Variants in KIAA1217 observed in about 807,000 individuals in gnomAD.
KIAA1217 encodes the protein sickle tail protein homolog.
Under a neutral mutation model 163.9 loss-of-function variants are expected in KIAA1217, and 88 were observed. That is an observed-to-expected ratio of 0.54 (90% confidence interval 0.45 to 0.64). The LOEUF (loss-of-function observed/expected upper bound fraction) is 0.64. Among genes scored for constraint, KIAA1217 ranks in the 30% least tolerant of loss-of-function variants. The pLI is 0.00. For synonymous variants in KIAA1217, 903 were observed against 923.1 expected (o/e 0.98, Z 0.39); for missense variants, 2,372 against 2,475.0 (o/e 0.96, Z 0.88).
intron 2 of KIAA1217, among the ~76,000 whole-genome samples, chr10:24,228,904 A>T (rs961054206): frequency 2.6e-5 from 4 of 152,264 alleles, no homozygotes; most frequent in Non-Finnish European, 4.4e-5. Context: ...ATCTGTAAGT[A>T]ATGGCATCTA....
chr10:24,171,317 C>T (rs925454130), intron 2 of KIAA1217, among the ~76,000 whole-genome samples: 1 of 152,110 alleles, frequency 6.6e-6, no homozygotes, highest in Admixed American at 6.6e-5. Flanking sequence ...GAAAAACTCT[C>T]ATAAATAGGG....
intron 2 of KIAA1217, among the ~76,000 whole-genome samples, chr10:24,121,182 A>T (rs1173728479): frequency 6.6e-6 from 1 of 152,194 alleles, no homozygotes; most frequent in Non-Finnish European, 1.5e-5. Context: ...TCATTCATGG[A>T]TAGTATTTCT....
At chr10:24,197,822 A>G (rs1430249931) in intron 2 of KIAA1217, among the ~76,000 whole-genome samples, 5 of 152,168 alleles carry the variant, frequency 3.3e-5, no homozygotes, top group South Asian at 2.1e-4. Flanking sequence ...TTAGTCTGCT[A>G]TTGTCTTGTT....
chr10:23,954,665 G>GA (rs1039815104), intron 1 of KIAA1217, among the ~76,000 whole-genome samples: 2 of 150,922 alleles, frequency 1.3e-5, no homozygotes, highest in African/African-American at 4.9e-5. Context: ...AAAGAAGGAA[G>GA]AAAAAAAAGG....
intron 5 of KIAA1217, among the ~76,000 whole-genome samples, chr10:24,439,799 G>C (rs971007721): frequency 6.6e-6 from 1 of 151,930 alleles, no homozygotes; most frequent in Admixed American, 6.6e-5. Context: ...CACTTTTAAG[G>C]ACACTTTAAG....
At chr10:24,120,418 TG>T (rs1228910398) in intron 2 of KIAA1217, among the ~76,000 whole-genome samples, 1 of 152,104 alleles carries the variant, frequency 6.6e-6, no homozygotes, top group Non-Finnish European at 1.5e-5. Context: ...TACAGAACAG[TG>T]GTTGCTTTCA....
chr10:23,729,956 C>T lies in KIAA1217; in HGVS notation c.-321+34722C>T, dbSNP rs148648995. Among the ~76,000 whole-genome samples, 494 of 151,706 alleles carry T rather than the reference C, an allele frequency of 3.3e-3. 4 individuals carry two copies. The highest frequency in any genetic ancestry group is 0.011 in the African/African-American group (454 of 41,356). On this transcript the variant is annotated intron_variant, in intron 1 of 18. Transcript: ENST00000376462. Reference sequence around the variant, plus strand: ...TCACTCTGTCACCCAGGCTGGAGTGCAGTGGCACGATCTCTGTTCACTGCA... The same window carrying T: ...TCACTCTGTCACCCAGGCTGGAGTGTAGTGGCACGATCTCTGTTCACTGCA...
chr10:23,995,526 G>T (rs947943089), intron 1 of KIAA1217, among the ~76,000 whole-genome samples: 1 of 151,218 alleles, frequency 6.6e-6, no homozygotes, highest in African/African-American at 2.4e-5. Flanking sequence ...AGGGCAAATG[G>T]CTTCCTCATT....
At chr10:23,998,559 G>T (rs1303974897) in intron 1 of KIAA1217, among the ~76,000 whole-genome samples, 3 of 152,252 alleles carry the variant, frequency 2.0e-5, no homozygotes, top group Non-Finnish European at 4.4e-5. Flanking sequence ...AGGACACTGT[G>T]TACTTCGATA....
chr10:24,455,598 C>T (rs1362358447), intron 5 of KIAA1217, among the ~76,000 whole-genome samples: 3 of 152,164 alleles, frequency 2.0e-5, no homozygotes, highest in East Asian at 1.9e-4. Flanking sequence ...CTAATTAGTT[C>T]GGCTTCCTCT....
intron 2 of KIAA1217, among the ~76,000 whole-genome samples, chr10:24,166,553 C>T: frequency 6.6e-6 from 1 of 152,010 alleles, no homozygotes; most frequent in South Asian, 2.1e-4. Flanking sequence ...GCCTGACCAA[C>T]AAAGTGAAAC....
intron 1 of KIAA1217, among the ~76,000 whole-genome samples, chr10:23,756,417 C>A (rs1833921559): frequency 6.6e-6 from 1 of 152,116 alleles, no homozygotes; most frequent in African/African-American, 2.4e-5. Context: ...AAAAAAATAA[C>A]CACGACATTC....
chr10:23,833,847 AAT>A, intron 1 of KIAA1217, among the ~76,000 whole-genome samples: 1 of 151,966 alleles, frequency 6.6e-6, no homozygotes, highest in Middle Eastern at 3.4e-3. Flanking sequence ...TTTATTTTTA[AAT>A]ATATATTTTT....
At chr10:24,015,943 C>T (rs1347512598) in intron 2 of KIAA1217, among the ~76,000 whole-genome samples, 1 of 151,552 alleles carries the variant, frequency 6.6e-6, no homozygotes, top group East Asian at 1.9e-4. Context: ...CTTGATTCTT[C>T]AAAGCAAGTA....
At position 24,108,134 on chromosome 10, in the gene KIAA1217, A is replaced by G. The variant is rs896872697; in HGVS notation, c.-171+100760A>G. On this transcript the variant is annotated intron_variant, in intron 2 of 18. Coordinates refer to the KIAA1217 transcript ENST00000376462. ...TAGATTTGACTTCTCATCCTAAGGA[A>G]GGCTATTTTATTTTATATACTAGGT... is the stretch of plus-strand genomic sequence containing the variant. Among the ~76,000 whole-genome samples the G allele has an allele frequency of 3.9e-5, 6 of 152,300 alleles. No homozygotes were observed. The South Asian group carries it at 6.2e-4, about 16-fold the overall frequency.
chr10:24,215,679 C>G (rs534067992), intron 1 of KIAA1217, among the ~76,000 whole-genome samples: 1 of 152,168 alleles, frequency 6.6e-6, no homozygotes, highest in Admixed American at 6.5e-5. Context: ...AGAGTTGTTG[C>G]TTCTCCCCCA....
chr10:24,353,574 T>G (rs1168221266), intron 2 of KIAA1217, among the ~76,000 whole-genome samples: 1 of 152,134 alleles, frequency 6.6e-6, no homozygotes, highest in Non-Finnish European at 1.5e-5. Flanking sequence ...GTTCCATATT[T>G]ATGATGATAA....
chr10:24,113,767 C>T (rs921963086), intron 2 of KIAA1217, among the ~76,000 whole-genome samples: 1 of 152,212 alleles, frequency 6.6e-6, no homozygotes, highest in African/African-American at 2.4e-5. Flanking sequence ...AAGCCCCTGC[C>T]ATGCCTCCCG....
chr10:24,307,222 G>A (rs1411600462), intron 2 of KIAA1217, among the ~76,000 whole-genome samples: 3 of 152,168 alleles, frequency 2.0e-5, no homozygotes, highest in East Asian at 1.9e-4. Flanking sequence ...ACTGACTTGC[G>A]AATATGATTT....
Sources: allele counts gnomAD v4.1 joint callset (sites outside exome capture counted in the v4.1 genomes callset), GRCh38; gene constraint gnomAD v4.1.1; transcripts MANE v1.5; gene names NCBI Gene and HGNC (gene_info 2026-07-23, HGNC 2026-07-21).